The following ADCY2 variants were observed in gnomAD, a reference collection of about 807,000 sequenced individuals.
The protein encoded by ADCY2 is adenylate cyclase 2.
A neutral mutation model predicts 125.2 loss-of-function variants in ADCY2; 31 were observed. That is an observed-to-expected ratio of 0.25 (90% CI 0.19 to 0.33). The LOEUF is 0.33. Among genes scored for constraint, ADCY2 ranks in the 10% least tolerant of loss-of-function variants. The probability of loss-of-function intolerance (pLI) is 1.00; values close to 1 mark genes in which losing one functional copy is unlikely to be tolerated. For missense variants in ADCY2, 904 were observed against 1,418.2 expected (o/e 0.64, Z 5.82); for synonymous variants, 512 against 548.4 (o/e 0.93, Z 0.93).
chr5:7,490,331 CTGTT>C (rs1561054233), intron 2 of ADCY2, among the ~76,000 whole-genome samples: 1 of 152,096 alleles, frequency 6.6e-6, no homozygotes. Context: ...GAGTATTTAA[CTGTT>C]TGTAATTCAT....
chr5:7,407,556 G>A (rs535718532), intron 1 of ADCY2, among the ~76,000 whole-genome samples: 6 of 152,246 alleles, frequency 3.9e-5, no homozygotes, highest in South Asian at 4.1e-4. Flanking sequence ...CAGCCAAACC[G>A]TATCACATGT....
chr5:7,477,528 C>T (rs1742569247), intron 2 of ADCY2, among the ~76,000 whole-genome samples: 1 of 152,184 alleles, frequency 6.6e-6, no homozygotes, highest in Admixed American at 6.5e-5. Context: ...CCAGAAAAGA[C>T]AGCACCTGAG....
chr5:7,613,147 T>TA (rs1737626429), intron 3 of ADCY2, among the ~76,000 whole-genome samples: 2 of 147,262 alleles, frequency 1.4e-5, no homozygotes, highest in Non-Finnish European at 3.0e-5. Flanking sequence ...CCCTAAAACT[T>TA]AAAGTATAAT....
chr5:7,410,640 A>T (rs1393660991), intron 1 of ADCY2, among the ~76,000 whole-genome samples: 2 of 152,168 alleles, frequency 1.3e-5, no homozygotes, highest in African/African-American at 4.8e-5. Flanking sequence ...ATTTTATTTT[A>T]CCTTGTTAAA....
chr5:7,440,871 T>C (rs1009051631), intron 2 of ADCY2, among the ~76,000 whole-genome samples: 1 of 152,042 alleles, frequency 6.6e-6, no homozygotes, highest in Non-Finnish European at 1.5e-5. Context: ...CATGGAGGGT[T>C]ATGAGGGGCT....
chr5:7,675,847 G>A (rs1241634618), intron 4 of ADCY2, among the ~76,000 whole-genome samples: 1 of 152,092 alleles, frequency 6.6e-6, no homozygotes, highest in Non-Finnish European at 1.5e-5. Flanking sequence ...CAGTAGTAGA[G>A]GACTCCAATG....
Position 7,547,696 on chromosome 5 carries a change from G to A in ADCY2, c.570+26797G>A, listed in dbSNP as rs138517367. Among the ~76,000 whole-genome samples the A allele has an allele frequency of 8.5e-3, 1,290 of 152,302 alleles. 11 individuals are homozygous for A. The highest frequency in any genetic ancestry group is 0.014 in the Non-Finnish European group (922 of 68,032). On this transcript the variant is annotated intron_variant, in intron 3 of 24. Coordinates refer to ENST00000338316, the MANE Select transcript of ADCY2 (RefSeq NM_020546.3). Reference sequence around the variant, plus strand: ...CCTGTGCCTCTCTCAGGGTTGACACGCAACGTTTTGTAGTGAGTAGATGTG... The same window carrying A: ...CCTGTGCCTCTCTCAGGGTTGACACACAACGTTTTGTAGTGAGTAGATGTG...
chr5:7,627,048 A>G (rs1305674578), intron 4 of ADCY2, among the ~76,000 whole-genome samples: 6 of 152,184 alleles, frequency 3.9e-5, no homozygotes, highest in Non-Finnish European at 7.3e-5. Flanking sequence ...GTTAGTGTTT[A>G]TGACAAGCAT....
At chr5:7,720,245 C>A (rs1741716708) in intron 12 of ADCY2, among the ~76,000 whole-genome samples, 1 of 152,128 alleles carries the variant, frequency 6.6e-6, no homozygotes, top group Admixed American at 6.5e-5. Flanking sequence ...ACCTAATCAG[C>A]ACACACGAAT....
chr5:7,594,258 T>C (rs1158468653), intron 3 of ADCY2, among the ~76,000 whole-genome samples: 1 of 152,026 alleles, frequency 6.6e-6, no homozygotes, highest in African/African-American at 2.4e-5. Context: ...TGGGCATTAG[T>C]GATGGAAGTG....
chr5:7,765,844 A>C lies in ADCY2; in HGVS notation c.2095-843A>C, dbSNP rs577709048. Among the ~76,000 whole-genome samples the C allele has an allele frequency of 3.9e-5, 6 of 152,328 alleles. No homozygotes were observed. The South Asian group carries it at 1.2e-3, about 32-fold the overall frequency. On this transcript the variant is annotated intron_variant, in intron 16 of 24. Transcript: ENST00000338316. ...CATGAGTCTCTGGTTTGTTTCCAGA[A>C]CATTCCTCTGACCCTTAGCCACATG...
At chr5:7,751,031 C>A (rs147946001) in intron 15 of ADCY2, among the ~76,000 whole-genome samples, 84 of 151,956 alleles carry the variant, frequency 5.5e-4, no homozygotes, top group Admixed American at 3.8e-3. Context: ...TCCTATTTTC[C>A]ACTTCTTTAT....
At chr5:7,698,511 G>GTAGAAATACCTAAT in intron 7 of ADCY2, 137 bp downstream of exon 7, 6 of 902,044 alleles carry the variant, frequency 6.7e-6, no homozygotes, top group Non-Finnish European at 8.7e-6. Flanking sequence ...ATTTACATTA[G>GTAGAAATACCTAAT]GTATTTCTAC....
intron 15 of ADCY2, among the ~76,000 whole-genome samples, chr5:7,746,943 A>G (rs1289517838): frequency 6.8e-6 from 1 of 147,956 alleles, no homozygotes; most frequent in East Asian, 2.0e-4. Context: ...TGGCCTTGAT[A>G]AAAAGGTAGA....
At chr5:7,425,174 A>C (rs1034145903) in intron 2 of ADCY2, among the ~76,000 whole-genome samples, 4 of 152,194 alleles carry the variant, frequency 2.6e-5, no homozygotes, top group African/African-American at 9.6e-5. Context: ...AGGGCGCAAC[A>C]AGGAGGTGTG....
intron 7 of ADCY2, among the ~76,000 whole-genome samples, chr5:7,706,328 T>C (rs1741264211): frequency 6.6e-6 from 1 of 152,244 alleles, no homozygotes; most frequent in African/African-American, 2.4e-5. Context: ...GCAGAAGATA[T>C]TCGTTGGAGA....
intron 2 of ADCY2, among the ~76,000 whole-genome samples, chr5:7,463,618 TAA>T (rs33927169): frequency 0.4 from 40,728 of 102,236 alleles, 5,199 homozygotes; most frequent in East Asian, 0.6. Flanking sequence ...AGGTGATAGA[TAA>T]AAAAAAAAAA....
At chr5:7,700,142 A>G (rs1172092017) in intron 7 of ADCY2, among the ~76,000 whole-genome samples, 2 of 152,206 alleles carry the variant, frequency 1.3e-5, no homozygotes, top group African/African-American at 4.8e-5. Flanking sequence ...AAATATTTTC[A>G]TCGAGTCAAA....
At chr5:7,787,422 T>A (rs947433981) in intron 19 of ADCY2, among the ~76,000 whole-genome samples, 11 of 152,358 alleles carry the variant, frequency 7.2e-5, no homozygotes, top group African/African-American at 2.6e-4. Flanking sequence ...TGAATCACAT[T>A]CATAAAGACA....
Sources: gnomAD v4.1 joint callset for allele counts (sites outside exome capture counted in the v4.1 genomes callset) on GRCh38, gnomAD v4.1.1 for gene constraint, MANE v1.5 for transcripts, NCBI Gene and HGNC (gene_info 2026-07-23, HGNC 2026-07-21) for gene names.